GRM4: variants seen among roughly 807,000 people sequenced by gnomAD.
GRM4 encodes the protein glutamate metabotropic receptor 4.
GRM4 carries 28 observed loss-of-function variants against 81.7 expected under a neutral mutation model. The ratio of observed to expected loss-of-function variants is 0.34; its 90% confidence interval spans 0.25 to 0.47. The LOEUF (loss-of-function observed/expected upper bound fraction) is 0.47, where lower values mean the gene tolerates loss of function less well. Among genes scored for constraint, GRM4 ranks in the 20% least tolerant of loss-of-function variants. The pLI is 1.00. For synonymous variants in GRM4, 488 were observed against 528.8 expected, an observed-to-expected ratio of 0.92 and a Z score of 1.06; for missense variants, 948 against 1,290.0, an observed-to-expected ratio of 0.73 and a Z score of 4.06.
intron 1 of GRM4, among the ~76,000 whole-genome samples, chr6:34,145,700 C>T (rs893143109): frequency 6.6e-6 from 1 of 152,206 alleles, no homozygotes; most frequent in Non-Finnish European, 1.5e-5. Context: ...GGGCCGCAGC[C>T]GCTTGCCCCG....
At chr6:34,122,715 C>T (rs1300329643) in intron 2 of GRM4, among the ~76,000 whole-genome samples, 4 of 144,054 alleles carry the variant, frequency 2.8e-5, no homozygotes, top group South Asian at 2.2e-4. Flanking sequence ...CCCGGGCTGG[C>T]GGCTTCCCCG....
At position 34,078,652 on chromosome 6, in the gene GRM4, CCT is replaced by C. The variant is rs1219536463; in HGVS notation, c.736+13229_736+13230del. Among the ~76,000 whole-genome samples, 3 of 152,042 alleles carry C rather than the reference CCT, an allele frequency of 2.0e-5. No individual in the cohort carries two copies. The highest frequency in any genetic ancestry group is 4.8e-5 in the African/African-American group (2 of 41,364). ...GATGGTCACAGGGCCTCCACTGTCCCCTGTCCCGCACCCCTCCGCAGCCCCTA... is the reference window on the plus strand; with the variant it reads ...GATGGTCACAGGGCCTCCACTGTCCCGTCCCGCACCCCTCCGCAGCCCCTA... On this transcript the variant is annotated intron_variant, in intron 3 of 10. Transcript: ENST00000538487. The surrounding 1 kb of genome is among the most constrained non-coding windows in gnomAD (Gnocchi z 4.8).
intron 3 of GRM4, among the ~76,000 whole-genome samples, chr6:34,072,239 CATCACACAGAT>C (rs1766945954): frequency 2.2e-5 from 2 of 92,690 alleles, no homozygotes; most frequent in Admixed American, 2.2e-4. Context: ...ACCACACACA[CATCACACAGAT>C]ACACAGCACA....
At chr6:34,055,724 GGC>G (rs1339525198) in intron 6 of GRM4, 1 of 152,256 alleles carries the variant, frequency 6.6e-6, no homozygotes, top group Non-Finnish European at 1.5e-5. Context: ...CTACCTAGGG[GGC>G]GGGGGCCCTA....
rs925820516 is a variant in GRM4 at position 34,078,588 on chromosome 6, T to A, written c.736+13295A>T. On this transcript the variant is annotated intron_variant, in intron 3 of 10. Coordinates refer to ENST00000538487, the MANE Select transcript of GRM4 (RefSeq NM_000841.4). The surrounding 1 kb of genome is among the most constrained non-coding windows in gnomAD (Gnocchi z 4.8). Reference sequence around the variant, plus strand: ...GTGGCCTCTGCTCTCTCAGCCTGTTTCCTACCTGTGAAATGGGGTGGGCAT... The same window carrying A: ...GTGGCCTCTGCTCTCTCAGCCTGTTACCTACCTGTGAAATGGGGTGGGCAT... Among the ~76,000 whole-genome samples the A allele has an allele frequency of 6.6e-6, 1 of 152,140 alleles. No individual in the cohort carries two copies. The highest frequency in any genetic ancestry group is 2.4e-5 in the African/African-American group (1 of 41,422).
At chr6:34,102,539 T>A (rs1216729955) in intron 2 of GRM4, among the ~76,000 whole-genome samples, 1 of 152,186 alleles carries the variant, frequency 6.6e-6, no homozygotes, top group Non-Finnish European at 1.5e-5. Flanking sequence ...AAATGTCTCC[T>A]TCTCAGGCAG....
At chr6:34,093,510 A>G (rs1025739923) in intron 2 of GRM4, among the ~76,000 whole-genome samples, 1 of 152,208 alleles carries the variant, frequency 6.6e-6, no homozygotes, top group Non-Finnish European at 1.5e-5. Flanking sequence ...CTAACAAGTG[A>G]CCGGGACCAT....
rs147191760 is a variant in GRM4 at position 34,062,007 on chromosome 6, G to A, written c.758C>T (p.Ser253Leu). The A allele has an allele frequency of 1.2e-5, 20 of 1,613,350 alleles. No homozygotes were observed. In the African/African-American group the frequency reaches 1.6e-4, roughly 13 times the overall value. ...CTTGGGCTCCCGTGGTATCTTCACC[G>A]ACTGGGCGATGCACACGCCCCCTGC... Reference protein sequence around the residue: ...REDGGVCIAQSVKIPREPKAG... With the variant: ...REDGGVCIAQLVKIPREPKAG... The change falls in exon 4 of 11, where the codon TCG becomes TTG. Residue 253 changes from serine (S) to leucine (L), a missense_variant. Ser to Leu is a moderately radical substitution (Grantham distance 145). Transcript: ENST00000538487.
intron 6 of GRM4, chr6:34,054,937 C>T (rs1765797944): frequency 6.6e-6 from 1 of 152,220 alleles, no homozygotes; most frequent in African/African-American, 2.4e-5. Context: ...CCCATGAGGG[C>T]TCAGCCTCCA....
At chr6:34,056,808 C>G in intron 5 of GRM4, 124 bp from the exon 6 acceptor site, 1 of 1,087,890 alleles carries the variant, frequency 9.2e-7, no homozygotes, top group Non-Finnish European at 1.3e-6. Flanking sequence ...GGAGCACATC[C>G]TCTGATCCAG....
chr6:34,056,166 T>G, intron 6 of GRM4: 1 of 188,338 alleles, frequency 5.3e-6, no homozygotes. Flanking sequence ...GCTTGCTGAG[T>G]GACTGAGGGA....
chr6:34,072,413 CCACA>C (rs1213034791), intron 3 of GRM4, among the ~76,000 whole-genome samples: 1 of 145,364 alleles, frequency 6.9e-6, no homozygotes, highest in Non-Finnish European at 1.5e-5. Context: ...CCTTACATCA[CCACA>C]CAGATACACA....
intron 2 of GRM4, chr6:34,103,929 G>A (rs1164666054): frequency 2.6e-6 from 3 of 1,147,980 alleles, no homozygotes; most frequent in Non-Finnish European, 3.4e-6. Flanking sequence ...TTCAGAGCCA[G>A]CCATGCACCT....
chr6:34,106,266 T>G (rs886931869), intron 2 of GRM4, among the ~76,000 whole-genome samples: 1 of 151,802 alleles, frequency 6.6e-6, no homozygotes, highest in South Asian at 2.1e-4. Flanking sequence ...AATACAAAAA[T>G]TAGCCAGGGG....
intron 2 of GRM4, among the ~76,000 whole-genome samples, chr6:34,132,102 C>T (rs753680102): frequency 2.0e-5 from 3 of 152,166 alleles, no homozygotes; most frequent in African/African-American, 4.8e-5. Flanking sequence ...AGCAGCTTAG[C>T]GAAGCACTTG....
chr6:34,102,267 G>A, intron 2 of GRM4: 1 of 829,562 alleles, frequency 1.2e-6, no homozygotes, highest in Middle Eastern at 3.2e-4. Flanking sequence ...TTACAGCTCA[G>A]CTCAGAGCAG....
rs1276814025 is a variant in GRM4 at position 34,074,482 on chromosome 6, GGCTGCTGGGCAGCGCAGGC to G, written c.737-12473_737-12455del. Among the ~76,000 whole-genome samples, 39 of 140,688 alleles carry G rather than the reference GGCTGCTGGGCAGCGCAGGC, an allele frequency of 2.8e-4. No homozygotes were observed. Among genetic ancestry groups the G allele is most frequent in the African/African-American group, 1.2e-3 (39 of 33,840 alleles). 92.3% of individuals were successfully genotyped at this position (140,688 alleles called of 152,430 possible). A position where few individuals can be genotyped will look rare whatever the true frequency, so the allele number is the denominator to read the frequency against. ...TGAGCCCTTCCGCCCCCTACCAGGA[GGCTGCTGGGCAGCGCAGGC>G]AGTGTGGCTCAGAGCTGAGCCCTGC... On this transcript the variant is annotated intron_variant, in intron 3 of 10. Transcript: ENST00000538487. This position sits in a 1 kb window ranked among gnomAD's most constrained non-coding sequence, Gnocchi z 4.9.
chr6:34,091,815 G>A (rs1326536136), intron 3 of GRM4, 68 bp downstream of exon 3: 2 of 1,173,606 alleles, frequency 1.7e-6, no homozygotes, highest in Non-Finnish European at 2.5e-6. Context: ...GGAGCTCCTG[G>A]TGGGTCAGTC....
chr6:34,119,738 C>T (rs959331612), intron 2 of GRM4, among the ~76,000 whole-genome samples: 2 of 152,210 alleles, frequency 1.3e-5, no homozygotes, highest in African/African-American at 2.4e-5. Flanking sequence ...AGCAGGGGCA[C>T]TACGCAGCCA....
Sources: gnomAD v4.1 joint callset for allele counts (sites outside exome capture counted in the v4.1 genomes callset) on GRCh38, gnomAD v4.1.1 for gene constraint, Gnocchi (gnomAD v3.1) non-coding constraint, MANE v1.5 for transcripts, NCBI Gene and HGNC (gene_info 2026-07-23, HGNC 2026-07-21) for gene names.